Variants in SLC4A7 observed in about 807,000 individuals in gnomAD.
SLC4A7 encodes sodium bicarbonate cotransporter 3.
A neutral mutation model predicts 137.6 loss-of-function variants in SLC4A7; 51 were observed. The ratio of observed to expected loss-of-function variants is 0.37; its 90% CI spans 0.30 to 0.47. The LOEUF (loss-of-function observed/expected upper bound fraction) is 0.47. SLC4A7 is among the 20% of genes least tolerant of loss of function. The pLI is 1.00. For synonymous variants in SLC4A7, 542 were observed against 518.6 expected (o/e 1.05, Z -0.61); for missense variants, 1,247 against 1,525.4 (o/e 0.82, Z 3.04).
chr3:27,433,849 CG>C, intron 6 of SLC4A7, 66 bp downstream of exon 6: 1 of 1,313,634 alleles, frequency 7.6e-7, no homozygotes, highest in Non-Finnish European at 1.1e-6. Flanking sequence ...AAATGTTAAT[CG>C]TAACATACTG....
Position 27,398,191 on chromosome 3 carries a change from C to A in SLC4A7, c.2589+1G>T. On this transcript the variant is annotated splice_donor_variant, in intron 17 of 25. Coordinates refer to ENST00000454389, the MANE Select transcript of SLC4A7 (RefSeq NM_001321103.2). LOFTEE classifies it high-confidence loss of function. ...GAATTCCAAAATTATATCACAGTTA[C>A]CTTGGTAGGAAAGTAACGCTTGGTC... The A allele has an allele frequency of 1.2e-6, 2 of 1,601,738 alleles. No individual in the cohort carries two copies. Among genetic ancestry groups the A allele is most frequent in the Non-Finnish European group, 1.7e-6 (2 of 1,174,376 alleles).
intron 3 of SLC4A7, among the ~76,000 whole-genome samples, chr3:27,441,745 C>T (rs933208575): frequency 3.9e-5 from 6 of 152,118 alleles, no homozygotes; most frequent in Non-Finnish European, 8.8e-5. Flanking sequence ...GCCTCAGTCT[C>T]CCAGTGTTGA....
At chr3:27,377,225 T>C (rs1318402870) in intron 25 of SLC4A7, among the ~76,000 whole-genome samples, 1 of 152,116 alleles carries the variant, frequency 6.6e-6, no homozygotes, top group Non-Finnish European at 1.5e-5. Flanking sequence ...TTAATATAGA[T>C]AGGTATCAAA....
rs1012316468 is a variant in SLC4A7 at position 27,376,105 on chromosome 3, C to T, written c.*659G>A. 1.3e-5 allele frequency: 2 copies of T among 151,986 alleles called. No individual in the cohort carries two copies. The highest frequency in any genetic ancestry group is 1.3e-4 in the Admixed American group (2 of 15,274). The allele number at this position is 151,986 out of a possible 1,614,324, so 9.4% of individuals were successfully genotyped here. Reference sequence around the variant, plus strand: ...GGGTGCTTAATTATCAAATCACCTGCAATTTTACTTGTCTGTCACAATGGA... The same window carrying T: ...GGGTGCTTAATTATCAAATCACCTGTAATTTTACTTGTCTGTCACAATGGA... On this transcript the variant is annotated 3_prime_UTR_variant, in exon 26 of 26. Coordinates refer to ENST00000454389, the MANE Select transcript of SLC4A7 (RefSeq NM_001321103.2).
chr3:27,430,245 A>G (rs1189021679), intron 7 of SLC4A7, among the ~76,000 whole-genome samples: 3 of 152,058 alleles, frequency 2.0e-5, no homozygotes, highest in Non-Finnish European at 2.9e-5. Context: ...TTTAAGGCAC[A>G]TCACTTCACT....
intron 25 of SLC4A7, among the ~76,000 whole-genome samples, chr3:27,377,101 G>T (rs2049968970): frequency 6.6e-6 from 1 of 151,952 alleles, no homozygotes; most frequent in South Asian, 2.1e-4. Context: ...TAAAGAGGGG[G>T]TCCTTAAAAT....
At chr3:27,448,084 C>T (rs537417751) in intron 3 of SLC4A7, among the ~76,000 whole-genome samples, 10 of 151,808 alleles carry the variant, frequency 6.6e-5, no homozygotes, top group African/African-American at 9.7e-5. Context: ...TGGTGGCGTG[C>T]GCCTGTAATC....
intron 3 of SLC4A7, among the ~76,000 whole-genome samples, chr3:27,440,964 G>A (rs138065697): frequency 1.0e-3 from 159 of 152,182 alleles, no homozygotes; most frequent in African/African-American, 3.7e-3. Context: ...AGAATCGCTT[G>A]AACCCAGGAC....
intron 4 of SLC4A7, 144 bp from the exon 5 acceptor site, chr3:27,436,692 G>T: frequency 3.7e-6 from 2 of 547,350 alleles, no homozygotes; most frequent in Non-Finnish European, 6.1e-6. Flanking sequence ...TCACAAATTA[G>T]GTTAATGGTC....
rs2059035329 is a variant in SLC4A7 at position 27,466,980 on chromosome 3, C to T, written c.61-14482G>A. Among the ~76,000 whole-genome samples the T allele has an allele frequency of 2.0e-5, 3 of 152,154 alleles. No homozygotes were observed. The South Asian group carries it at 6.2e-4, about 32-fold the overall frequency. On this transcript the variant is annotated intron_variant, in intron 1 of 25. Coordinates refer to ENST00000454389, the MANE Select transcript of SLC4A7 (RefSeq NM_001321103.2). ...GAAGTTAGTTTTATTTAGTATTCCA[C>T]AGTCATACACTGTGGTTGTTACTAG...
intron 3 of SLC4A7, among the ~76,000 whole-genome samples, chr3:27,440,957 A>G (rs1266810173): frequency 6.6e-6 from 1 of 152,148 alleles, no homozygotes; most frequent in African/African-American, 2.4e-5. Flanking sequence ...AGGCAGGAGA[A>G]TCGCTTGAAC....
intron 1 of SLC4A7, among the ~76,000 whole-genome samples, chr3:27,457,922 A>T (rs2058496475): frequency 6.6e-6 from 1 of 152,128 alleles, no homozygotes; most frequent in Non-Finnish European, 1.5e-5. Context: ...TCTTGAAGTG[A>T]CAAGTTCACT....
rs1421774650 is a variant in SLC4A7 at position 27,409,368 on chromosome 3, T to C, written c.1929A>G (p.Thr643=). The C allele has an allele frequency of 6.2e-7, 1 of 1,610,190 alleles. No homozygotes were observed. Among genetic ancestry groups the C allele is most frequent in the East Asian group, 2.2e-5 (1 of 44,836 alleles). ...ITFGGLLGEA[T]EGRISAIESL... is the part of the protein sequence containing the mutation. The stretch of plus-strand genomic sequence containing the variant: ...TCTTTGTACTCACTATTCTGCCTTC[T>C]GTAGCTTCTCCAAGCAGCCCTCCAA... The change falls in exon 13 of 26, where the codon ACA becomes ACG. Residue 643 remains threonine (T), a synonymous_variant. Coordinates refer to ENST00000454389, the MANE Select transcript of SLC4A7 (RefSeq NM_001321103.2).
intron 14 of SLC4A7, 127 bp downstream of exon 14, chr3:27,404,703 T>C (rs757944979): frequency 1.4e-5 from 10 of 703,920 alleles, no homozygotes; most frequent in South Asian, 4.2e-5. Flanking sequence ...AATCATACAG[T>C]AGCTCAAAAA....
chr3:27,466,748 T>C (rs2059021547), intron 1 of SLC4A7, among the ~76,000 whole-genome samples: 6 of 152,010 alleles, frequency 3.9e-5, no homozygotes, highest in South Asian at 4.2e-4. Context: ...TCCCAGCTAC[T>C]AGGGAGGCTG....
At chr3:27,436,099 G>C (rs920853235) in intron 5 of SLC4A7, among the ~76,000 whole-genome samples, 1 of 151,962 alleles carries the variant, frequency 6.6e-6, no homozygotes, top group Non-Finnish European at 1.5e-5. Flanking sequence ...AATGTTCTCT[G>C]TGGCTATTCC....
chr3:27,382,369 C>T (rs2050512665), intron 24 of SLC4A7, among the ~76,000 whole-genome samples: 1 of 152,028 alleles, frequency 6.6e-6, no homozygotes, highest in Admixed American at 6.5e-5. Context: ...CCTGCCTCAG[C>T]CTCCCAAAGT....
At chr3:27,390,158 AG>A in intron 21 of SLC4A7, 54 bp from the exon 22 acceptor site, 1 of 1,096,346 alleles carries the variant, frequency 9.1e-7, no homozygotes, top group South Asian at 1.4e-5. Flanking sequence ...TCTGCTATTT[AG>A]GAGAAGAATC....
intron 1 of SLC4A7, chr3:27,457,055 T>C (rs979324840): frequency 6.4e-6 from 3 of 469,316 alleles, no homozygotes; most frequent in African/African-American, 4.2e-5. Context: ...ATAATTATCA[T>C]TGTAACCAAA....
Sources: allele counts gnomAD v4.1 joint callset (sites outside exome capture counted in the v4.1 genomes callset), GRCh38; gene constraint gnomAD v4.1.1; transcripts MANE v1.5; gene names NCBI Gene and HGNC (gene_info 2026-07-23, HGNC 2026-07-21).